RNFT1: variants seen among roughly 807,000 people sequenced by gnomAD.
RNFT1 encodes ring finger protein, transmembrane 1.
In RNFT1, 35 loss-of-function variants were observed where a neutral mutation model predicts 53.2. The observed-to-expected ratio is 0.66, with a 90% CI of 0.50 to 0.87. The LOEUF (loss-of-function observed/expected upper bound fraction) is 0.87, where lower values mean the gene tolerates loss of function less well. Among genes scored for constraint, RNFT1 ranks in the 40% least tolerant of loss-of-function variants. RNFT1 has a pLI of 0.00. For missense variants in RNFT1, 421 were observed against 515.0 expected (o/e 0.82, Z 1.77); for synonymous variants, 141 against 172.8 (o/e 0.82, Z 1.44).
intron 4 of RNFT1, chr17:59,958,821 G>C (rs1382055221): frequency 3.2e-6 from 1 of 313,444 alleles, no homozygotes; most frequent in Non-Finnish European, 6.2e-6. Context: ...AACTCCCTCT[G>C]TATGGCTAAA....
chr17:59,954,238 T>TG, intron 7 of RNFT1, 92 bp from the exon 8 acceptor site: 2 of 873,328 alleles, frequency 2.3e-6, no homozygotes, highest in South Asian at 3.3e-5. Context: ...CAAATCTCCC[T>TG]GGAACCAGGC....
At position 59,956,533 on chromosome 17, in the gene RNFT1, A is replaced by G. The variant is rs1211817958; in HGVS notation, c.1026T>C (p.His342=). ...GTAAAACCTGTCTGAAAGTTCTCAG[A>G]TGCCCAAAAAATTCCAAAAGCTGAA... ...LILKLLEFFG[H]LRTFRQVLRI... The change falls in exon 7 of 9, where the codon CAT becomes CAC. Residue 342 remains histidine, a synonymous_variant. Coordinates refer to ENST00000305783, the MANE Select transcript of RNFT1 (RefSeq NM_016125.4). The G allele has an allele frequency of 2.5e-6, 4 of 1,612,738 alleles. No homozygotes were observed. In the African/African-American group the frequency reaches 5.3e-5, roughly 22 times the overall value.
In RNFT1 at chr17:59,964,664, A is replaced by T. The variant is rs781274048; in HGVS notation, c.-1T>A. On this transcript the variant is annotated 5_prime_UTR_variant, in exon 1 of 9. Coordinates refer to ENST00000305783, the MANE Select transcript of RNFT1 (RefSeq NM_016125.4). ...GGAGCGACAGCAAGAACAGCGGCAT[A>T]CACCGCCTCCAGCCCTTCAGTCGGG... is the stretch of plus-strand genomic sequence containing the variant. The T allele has an allele frequency of 5.0e-6, 8 of 1,606,148 alleles. No homozygotes were observed. The highest frequency in any genetic ancestry group is 5.9e-6 in the Non-Finnish European group (7 of 1,176,562).
rs141412497 is a variant in RNFT1, at chr17:59,953,903, A to G, written c.1173+142T>C. On this transcript the variant is annotated intron_variant, in intron 8 of 8. Transcript: ENST00000305783. ...GAACATAAGGGACAAAACTTAGCCA[A>G]TCCACTAGTATGTACCCTGAATGCT... 358 of 533,602 alleles carry G rather than the reference A, an allele frequency of 6.7e-4. 2 individuals carry two copies. The highest frequency in any genetic ancestry group is 6.6e-3 in the African/African-American group (327 of 49,834). The allele number at this position is 533,602 out of a possible 1,614,324, so 33.1% of individuals were successfully genotyped here. A position where few individuals can be genotyped will look rare whatever the true frequency, so the allele number is the denominator to read the frequency against.
rs756596570 is a variant in RNFT1 at position 59,964,673 on chromosome 17, C to T, written c.-10G>A. On this transcript the variant is annotated 5_prime_UTR_variant, in exon 1 of 9. Coordinates refer to ENST00000305783, the MANE Select transcript of RNFT1 (RefSeq NM_016125.4). ...GCAAGAACAGCGGCATACACCGCCT[C>T]CAGCCCTTCAGTCGGGGCCATCAAC... 1.9e-6 allele frequency: 3 copies of T among 1,602,442 alleles called. No homozygotes were observed. In the African/African-American group the frequency reaches 4.0e-5, roughly 22 times the overall value.
At chr17:59,955,349 G>A (rs7219051) in intron 7 of RNFT1, among the ~76,000 whole-genome samples, 19,934 of 152,058 alleles carry the variant, frequency 0.13, 1,570 homozygotes, top group Middle Eastern at 0.22. Context: ...CTTTTAAGAC[G>A]TTACTCATCT....
At chr17:59,959,780 T>G (rs1028694797) in intron 4 of RNFT1, 3 of 171,750 alleles carry the variant, frequency 1.7e-5, no homozygotes, top group African/African-American at 7.2e-5. Flanking sequence ...CGTGGTGGCG[T>G]GTGCCTGTAA....
At chr17:59,960,873 C>T (rs2045286870) in intron 3 of RNFT1, among the ~76,000 whole-genome samples, 1 of 151,950 alleles carries the variant, frequency 6.6e-6, no homozygotes, top group Non-Finnish European at 1.5e-5. Context: ...CCTTGACTCA[C>T]TTGTCAAGGT....
At chr17:59,954,807 C>CT (rs1193324328) in intron 7 of RNFT1, among the ~76,000 whole-genome samples, 8 of 152,196 alleles carry the variant, frequency 5.3e-5, no homozygotes, top group Non-Finnish European at 1.5e-5. Flanking sequence ...GAAACTGCAA[C>CT]TGTAAATGTC....
At chr17:59,956,286 A>G (rs1888666814) in intron 7 of RNFT1, among the ~76,000 whole-genome samples, 1 of 152,218 alleles carries the variant, frequency 6.6e-6, no homozygotes, top group South Asian at 2.1e-4. Context: ...GTGGTTGTCA[A>G]TGTGTGATTC....
chr17:59,964,690 G>C lies in RNFT1; in HGVS notation c.-27C>G. The C allele has an allele frequency of 6.3e-7, 1 of 1,584,614 alleles. No homozygotes were observed. ...CACCGCCTCCAGCCCTTCAGTCGGGGCCATCAACCGCAAACCCCGCAAGCT... is the reference window on the plus strand; with the variant it reads ...CACCGCCTCCAGCCCTTCAGTCGGGCCCATCAACCGCAAACCCCGCAAGCT... On this transcript the variant is annotated 5_prime_UTR_variant, in exon 1 of 9. Transcript: ENST00000305783.
chr17:59,952,373 CATTT>C lies in RNFT1; in HGVS notation c.*600_*603del, dbSNP rs1321672207. ...GTCCAGAGACAAAATGAATTTAAAT[CATTT>C]ATTTTCACTTATTACTAATCTTACT... On this transcript the variant is annotated 3_prime_UTR_variant, in exon 9 of 9. Coordinates refer to ENST00000305783, the MANE Select transcript of RNFT1 (RefSeq NM_016125.4). 1 of 152,164 alleles carries C rather than the reference CATTT, an allele frequency of 6.6e-6. No homozygotes were observed. Among genetic ancestry groups the C allele is most frequent in the Non-Finnish European group, 1.5e-5 (1 of 68,038 alleles). The allele number at this position is 152,164 out of a possible 1,614,324, so 9.4% of individuals were successfully genotyped here.
rs767617649 is a variant in RNFT1 at position 59,963,101 on chromosome 17, A to G, written c.240T>C (p.His80=). ...CTTTAGGTATGGAGTTTATCTGGAT[A>G]TGAACATCTCCAGAATGAGGGCAAG... ...EGSCPHSGDV[H]IQINSIPKEC... is the part of the protein sequence containing the mutation. The change falls in exon 2 of 9, where the codon CAT becomes CAC. Residue 80 remains histidine, a synonymous_variant. Coordinates refer to ENST00000305783, the MANE Select transcript of RNFT1 (RefSeq NM_016125.4). 3 of 1,614,222 alleles carry G rather than the reference A, an allele frequency of 1.9e-6. No homozygotes were observed. Among genetic ancestry groups the G allele is most frequent in the Middle Eastern group, 3.3e-4 (2 of 6,062 alleles).
At chr17:59,953,558 C>T (rs201302517) in intron 8 of RNFT1, among the ~76,000 whole-genome samples, 5 of 152,092 alleles carry the variant, frequency 3.3e-5, no homozygotes, top group Non-Finnish European at 5.9e-5. Context: ...AAATGGAGAA[C>T]GTATGAGACA....
chr17:59,958,558 TGGCA>T, intron 4 of RNFT1, 114 bp from the exon 5 acceptor site: 1 of 887,942 alleles, frequency 1.1e-6, no homozygotes, highest in Non-Finnish European at 1.7e-6. Context: ...AATATGAGTT[TGGCA>T]GGATGTCAGA....
chr17:59,953,863 G>A (rs1410187537), intron 8 of RNFT1, 182 bp downstream of exon 8: 1 of 459,932 alleles, frequency 2.2e-6, no homozygotes, highest in Admixed American at 4.3e-5. Flanking sequence ...ACGCTCCTCT[G>A]CATAAAAATT....
At chr17:59,955,480 CAG>C (rs972951077) in intron 7 of RNFT1, among the ~76,000 whole-genome samples, 9 of 152,108 alleles carry the variant, frequency 5.9e-5, no homozygotes, top group African/African-American at 1.9e-4. Flanking sequence ...GAAAGAATAT[CAG>C]GGTATTTTCT....
At chr17:59,962,742 G>T in intron 2 of RNFT1, 85 bp downstream of exon 2, 1 of 1,335,122 alleles carries the variant, frequency 7.5e-7, no homozygotes, top group Non-Finnish European at 1.0e-6. Context: ...ATAAGTAACT[G>T]GATGCATTAA....
intron 8 of RNFT1, 76 bp from the exon 9 acceptor site, chr17:59,953,187 A>T: frequency 1.8e-4 from 165 of 934,726 alleles, no homozygotes; most frequent in Non-Finnish European, 2.2e-4. Context: ...AATGAAAGGG[A>T]TTCTTTTTTT....
Sources: allele counts gnomAD v4.1 joint callset (sites outside exome capture counted in the v4.1 genomes callset), GRCh38; gene constraint gnomAD v4.1.1; transcripts MANE v1.5; gene names NCBI Gene and HGNC (gene_info 2026-07-23, HGNC 2026-07-21).